Variants in ARHGEF3 observed in about 807,000 individuals in gnomAD.
ARHGEF3 encodes the protein Rho guanine nucleotide exchange factor 3, also known as 59.8 kDA protein.
A neutral mutation model predicts 63.2 loss-of-function variants in ARHGEF3; 28 were observed. That is an observed-to-expected ratio of 0.44 (90% CI 0.33 to 0.61). The LOEUF is 0.61. ARHGEF3 is among the 20% of genes least tolerant of loss of function. The probability of loss-of-function intolerance (pLI) is 0.03; values close to 1 mark genes in which losing one functional copy is unlikely to be tolerated. For synonymous variants in ARHGEF3, 266 were observed against 254.2 expected, an observed-to-expected ratio of 1.05 and a Z score of -0.44; for missense variants, 533 against 659.3, an observed-to-expected ratio of 0.81 and a Z score of 2.10.
chr3:56,916,306 TACCTGCG>T lies in ARHGEF3; in HGVS notation c.130-33959_130-33953del, dbSNP rs1037499662. The T allele has an allele frequency of 3.3e-6, 5 of 1,535,126 alleles. No individual in the cohort carries two copies. The African/African-American group carries it at 6.9e-5, about 21-fold the overall frequency. On this transcript the variant is annotated intron_variant, in intron 3 of 12. Coordinates refer to the ARHGEF3 transcript ENST00000338458. ...ATCCCAGGCTCAGCAGCAGGGGGCT[TACCTGCG>T]AACGGACAAAGAGGCAGCACCACAC...
At position 57,063,459 on chromosome 3, in the gene ARHGEF3, G is replaced by A. The variant is rs569189435; in HGVS notation, c.-28+15767C>T. 4.6e-5 allele frequency among the ~76,000 whole-genome samples: 7 copies of A among 152,306 alleles called. No individual in the cohort carries two copies. The East Asian group carries it at 1.4e-3, about 29-fold the overall frequency. Reference sequence around the variant, plus strand: ...GGCCGCAGTCATTCAGGTGAGAGGGGAGAATGACCTGGAGGGTGGTAGGAG... The same window carrying A: ...GGCCGCAGTCATTCAGGTGAGAGGGAAGAATGACCTGGAGGGTGGTAGGAG... On this transcript the variant is annotated intron_variant, in intron 1 of 12. Transcript: ENST00000338458.
chr3:57,053,029 G>A lies in ARHGEF3; in HGVS notation c.-27-17853C>T, dbSNP rs138300870. On this transcript the variant is annotated intron_variant, in intron 1 of 12. Coordinates refer to the ARHGEF3 transcript ENST00000338458. ...AGAAGCAGATTTGCCCTCCTCACTGGGTCCCCTCCACCCTACCCACCACCA... is the reference window on the plus strand; with the variant it reads ...AGAAGCAGATTTGCCCTCCTCACTGAGTCCCCTCCACCCTACCCACCACCA... Among the ~76,000 whole-genome samples the A allele has an allele frequency of 1.3e-3, 201 of 152,234 alleles. 2 individuals are homozygous for A. The highest frequency in any genetic ancestry group is 4.7e-3 in the African/African-American group (195 of 41,534).
chr3:56,982,324 G>A (rs1701356879), intron 2 of ARHGEF3, among the ~76,000 whole-genome samples: 1 of 151,806 alleles, frequency 6.6e-6, no homozygotes, highest in Non-Finnish European at 1.5e-5. Flanking sequence ...ACTATGCTTT[G>A]TTTCTTTGCA....
At chr3:57,051,631 G>A (rs1021149587) in intron 1 of ARHGEF3, among the ~76,000 whole-genome samples, 6 of 152,160 alleles carry the variant, frequency 3.9e-5, no homozygotes, top group Non-Finnish European at 8.8e-5. Flanking sequence ...GCACAAACTG[G>A]CTCACTAGCC....
chr3:57,038,988 C>T (rs752878064), intron 1 of ARHGEF3, among the ~76,000 whole-genome samples: 7 of 152,226 alleles, frequency 4.6e-5, no homozygotes, highest in Non-Finnish European at 8.8e-5. Flanking sequence ...ACATAATACC[C>T]ACCACATCCC....
intron 2 of ARHGEF3, among the ~76,000 whole-genome samples, chr3:57,015,600 ATTT>A (rs11290143): frequency 7.0e-5 from 9 of 129,226 alleles, no homozygotes; most frequent in Non-Finnish European, 3.3e-5. Flanking sequence ...CGCCCTGCTA[ATTT>A]TTTTTTTTTT....
chr3:56,769,061 A>G (rs540466475), intron 2 of ARHGEF3, among the ~76,000 whole-genome samples: 50 of 152,360 alleles, frequency 3.3e-4, no homozygotes, highest in African/African-American at 1.2e-3. Context: ...AAGACTATAC[A>G]TGTTCTTTTT....
At chr3:57,031,609 C>T (rs534337190) in intron 2 of ARHGEF3, among the ~76,000 whole-genome samples, 44 of 152,326 alleles carry the variant, frequency 2.9e-4, no homozygotes, top group African/African-American at 1.0e-3. Context: ...CATATCTTAC[C>T]CATCTTTTTG....
At chr3:56,863,957 C>G (rs536545580) in intron 4 of ARHGEF3, among the ~76,000 whole-genome samples, 1 of 152,226 alleles carries the variant, frequency 6.6e-6, no homozygotes, top group South Asian at 2.1e-4. Context: ...AGAAGGGAAA[C>G]ATTTACTAAG....
rs1491204343 is a variant in ARHGEF3 at position 56,923,076 on chromosome 3, A to AT, written c.129+35746_129+35747insA. Among the ~76,000 whole-genome samples the AT allele has an allele frequency of 7.8e-4, 103 of 131,300 alleles. 3 individuals carry two copies. The highest frequency in any genetic ancestry group is 4.2e-3 in the Admixed American group (51 of 12,242). The allele number at this position is 131,300 out of a possible 152,430, so 86.1% of individuals were successfully genotyped here. On this transcript the variant is annotated intron_variant, in intron 3 of 12. Transcript: ENST00000338458. ...TATATATATATATATATATATATAT[A>AT]AATTAGTTGGGCATGGTGGCGTGTG...
At position 56,918,663 on chromosome 3, in the gene ARHGEF3, G is replaced by T. The variant is rs531168187; in HGVS notation, c.130-36309C>A. On this transcript the variant is annotated intron_variant, in intron 3 of 12. Coordinates refer to the ARHGEF3 transcript ENST00000338458. ...GAAGCAAGAACTCCCGGATTGAAAT[G>T]GGTCCATGAAGAAGGCACTTCAAGA... 9.2e-5 allele frequency among the ~76,000 whole-genome samples: 14 copies of T among 152,318 alleles called. No individual in the cohort carries two copies. The East Asian group carries it at 2.5e-3, about 27-fold the overall frequency.
Position 56,729,306 on chromosome 3 carries a change from GGAA to G in ARHGEF3, c.1542_1544del (p.Ser515del), listed in dbSNP as rs779541742. On this transcript the variant is annotated inframe_deletion, in exon 10 of 10. Coordinates refer to ENST00000296315, the MANE Select transcript of ARHGEF3 (RefSeq NM_019555.3). Reference sequence around the variant, plus strand: ...TTTCACCGTGCCTGCTGTTTCCACAGGAAGAGTCTGTCTGTTCCATGCGCTCAC... The same window carrying G: ...TTTCACCGTGCCTGCTGTTTCCACAGGAGTCTGTCTGTTCCATGCGCTCAC... 6.2e-7 allele frequency: 1 copy of G among 1,613,944 alleles called. No individual in the cohort carries two copies. The highest frequency in any genetic ancestry group is 8.5e-7 in the Non-Finnish European group (1 of 1,179,908).
chr3:56,966,050 G>A (rs536458415), intron 2 of ARHGEF3, among the ~76,000 whole-genome samples: 15 of 152,158 alleles, frequency 9.9e-5, no homozygotes, highest in African/African-American at 3.4e-4. Flanking sequence ...AGATATACAT[G>A]ATATGATATG....
chr3:56,975,268 A>C (rs1171697302), intron 2 of ARHGEF3, among the ~76,000 whole-genome samples: 1 of 152,020 alleles, frequency 6.6e-6, no homozygotes. Context: ...AAATTCAAAA[A>C]TTAGCCGAGC....
At chr3:56,932,738 G>A (rs2042447488) in intron 3 of ARHGEF3, among the ~76,000 whole-genome samples, 1 of 152,124 alleles carries the variant, frequency 6.6e-6, no homozygotes, top group Admixed American at 6.5e-5. Flanking sequence ...AGATGACCAA[G>A]TAACACTACC....
chr3:56,808,178 T>C (rs2037934009), intron 4 of ARHGEF3, among the ~76,000 whole-genome samples: 1 of 152,018 alleles, frequency 6.6e-6, no homozygotes, highest in East Asian at 1.9e-4. Context: ...GGCTTAATTC[T>C]TGCATTTTCT....
chr3:56,832,799 C>T (rs2038974845), intron 4 of ARHGEF3, among the ~76,000 whole-genome samples: 2 of 152,188 alleles, frequency 1.3e-5, no homozygotes, highest in Admixed American at 6.5e-5. Context: ...AACCACGAAT[C>T]TACTTTCTGT....
chr3:56,896,971 C>A (rs1578787957), intron 3 of ARHGEF3, among the ~76,000 whole-genome samples: 1 of 152,268 alleles, frequency 6.6e-6, no homozygotes, highest in East Asian at 1.9e-4. Context: ...AAGTAACCAG[C>A]AAATTGAAAA....
At chr3:56,906,072 G>T (rs1173284853) in intron 3 of ARHGEF3, among the ~76,000 whole-genome samples, 2 of 151,894 alleles carry the variant, frequency 1.3e-5, no homozygotes, top group African/African-American at 4.8e-5. Flanking sequence ...ATCATGTTGG[G>T]CAGGCTGGTC....
Sources: gnomAD v4.1 joint callset for allele counts (sites outside exome capture counted in the v4.1 genomes callset) on GRCh38, gnomAD v4.1.1 for gene constraint, MANE v1.5 for transcripts, NCBI Gene and HGNC (gene_info 2026-07-23, HGNC 2026-07-21) for gene names.